ELAPOR2: variants seen among roughly 807,000 people sequenced by gnomAD.
The protein encoded by ELAPOR2 is endosome-lysosome associated apoptosis and autophagy regulator family member 2.
ELAPOR2 carries 89 observed loss-of-function variants against 120.7 expected under a neutral mutation model. The ratio of observed to expected loss-of-function variants is 0.74; its 90% CI spans 0.62 to 0.88. The LOEUF is 0.88. Among genes scored for constraint, ELAPOR2 ranks in the 40% least tolerant of loss-of-function variants. The pLI is 0.00. For missense variants in ELAPOR2, 1,134 were observed against 1,251.6 expected, an observed-to-expected ratio of 0.91 and a Z score of 1.42; for synonymous variants, 444 against 444.9, an observed-to-expected ratio of 1.00 and a Z score of 0.03.
At chr7:86,882,962 T>A (rs902740030) in intron 21 of ELAPOR2, among the ~76,000 whole-genome samples, 13 of 151,766 alleles carry the variant, frequency 8.6e-5, no homozygotes, top group Non-Finnish European at 2.9e-5. Flanking sequence ...CACTCCCTTC[T>A]CCCCAATGCT....
Position 86,921,760 on chromosome 7 carries a change from T to C in ELAPOR2, c.1400-2450A>G, listed in dbSNP as rs1789841179. Among the ~76,000 whole-genome samples the C allele has an allele frequency of 3.9e-5, 6 of 152,030 alleles. No individual in the cohort carries two copies. In the South Asian group the frequency reaches 1.2e-3, roughly 32 times the overall value. ...CAGACTGCCAACGTGAGAGCAGAGC[T>C]GTATGTGGAAAGACACACGCAGGGT... On this transcript the variant is annotated intron_variant, in intron 10 of 21. Coordinates refer to ENST00000450689, the MANE Select transcript of ELAPOR2 (RefSeq NM_001142749.3).
At chr7:87,044,575 T>C (rs1584038467) in intron 1 of ELAPOR2, among the ~76,000 whole-genome samples, 2 of 150,282 alleles carry the variant, frequency 1.3e-5, no homozygotes, top group East Asian at 3.9e-4. Flanking sequence ...TGAAACTGGA[T>C]CCCTTCCTTA....
intron 8 of ELAPOR2, among the ~76,000 whole-genome samples, chr7:86,927,570 C>T (rs1790132302): frequency 6.6e-6 from 1 of 151,848 alleles, no homozygotes; most frequent in Admixed American, 6.6e-5. Flanking sequence ...GTCTTTTAAA[C>T]TCTGCCCTTT....
chr7:86,940,588 T>C (rs1423917682), intron 5 of ELAPOR2, among the ~76,000 whole-genome samples: 2 of 152,052 alleles, frequency 1.3e-5, no homozygotes, highest in Non-Finnish European at 2.9e-5. Context: ...AAAATAGGAA[T>C]GTTCTTAGGG....
At chr7:87,002,722 C>T (rs953076909) in intron 1 of ELAPOR2, among the ~76,000 whole-genome samples, 3 of 152,108 alleles carry the variant, frequency 2.0e-5, no homozygotes, top group Admixed American at 2.0e-4. Flanking sequence ...ATCCTTAACA[C>T]TGAGTACTTC....
At chr7:87,005,854 G>A (rs774023024) in intron 1 of ELAPOR2, among the ~76,000 whole-genome samples, 10 of 152,114 alleles carry the variant, frequency 6.6e-5, no homozygotes, top group Non-Finnish European at 1.5e-4. Flanking sequence ...ATGATCAAGA[G>A]TAGGAAAGAT....
At chr7:86,918,743 G>C (rs1022141741) in intron 11 of ELAPOR2, among the ~76,000 whole-genome samples, 199 bp from the exon 12 acceptor site, 1 of 152,020 alleles carries the variant, frequency 6.6e-6, no homozygotes, top group Non-Finnish European at 1.5e-5. Context: ...CATAACGATG[G>C]TAATATGCTT....
chr7:87,009,563 G>A (rs1793589504), intron 1 of ELAPOR2, among the ~76,000 whole-genome samples: 1 of 152,058 alleles, frequency 6.6e-6, no homozygotes, highest in African/African-American at 2.4e-5. Flanking sequence ...CAGTGTTTTG[G>A]GATTAGGAAA....
At chr7:86,956,819 A>G (rs1791490530) in intron 2 of ELAPOR2, among the ~76,000 whole-genome samples, 1 of 152,152 alleles carries the variant, frequency 6.6e-6, no homozygotes, top group Non-Finnish European at 1.5e-5. Flanking sequence ...AGGGAAGAAA[A>G]ATGTTCAGAG....
intron 4 of ELAPOR2, among the ~76,000 whole-genome samples, chr7:86,942,529 A>C (rs1407596261): frequency 1.3e-5 from 2 of 152,082 alleles, no homozygotes; most frequent in African/African-American, 4.8e-5. Context: ...GCAGCAGTAA[A>C]ATTTTAAATT....
intron 1 of ELAPOR2, among the ~76,000 whole-genome samples, chr7:87,040,205 C>T (rs1219764662): frequency 2.0e-5 from 3 of 152,258 alleles, no homozygotes; most frequent in African/African-American, 7.2e-5. Context: ...GAGGCGCCCG[C>T]CATTGCCCAG....
In ELAPOR2 at chr7:86,955,958, CA is replaced by C. The variant is rs111479978; in HGVS notation, c.311-8037del. Among the ~76,000 whole-genome samples, 927 of 110,800 alleles carry C rather than the reference CA, an allele frequency of 8.4e-3. 7 individuals are homozygous for C. Among genetic ancestry groups the C allele is most frequent in the African/African-American group, 0.025 (776 of 30,872 alleles). 72.7% of individuals were successfully genotyped at this position (110,800 alleles called of 152,430 possible). A position where few individuals can be genotyped will look rare whatever the true frequency, so the allele number is the denominator to read the frequency against. ...CATTAGAAAAGAACTCTGCAAAAAACAAAAAAAAAAGGAAAAGAAAAGAAAA... is the reference window on the plus strand; with the variant it reads ...CATTAGAAAAGAACTCTGCAAAAAACAAAAAAAAAGGAAAAGAAAAGAAAA... On this transcript the variant is annotated intron_variant, in intron 2 of 21. Coordinates refer to ENST00000450689, the MANE Select transcript of ELAPOR2 (RefSeq NM_001142749.3).
At chr7:86,918,980 A>AC (rs1044991018) in intron 11 of ELAPOR2, among the ~76,000 whole-genome samples, 1 of 152,188 alleles carries the variant, frequency 6.6e-6, no homozygotes, top group African/African-American at 2.4e-5. Context: ...TAGCATTTGG[A>AC]CACACTATTG....
At chr7:87,020,719 G>A (rs903703948) in intron 1 of ELAPOR2, among the ~76,000 whole-genome samples, 1 of 152,014 alleles carries the variant, frequency 6.6e-6, no homozygotes, top group Non-Finnish European at 1.5e-5. Flanking sequence ...ATGCCACTGA[G>A]TTTTCACTTT....
intron 1 of ELAPOR2, among the ~76,000 whole-genome samples, chr7:86,973,938 T>G (rs1340636043): frequency 6.6e-6 from 1 of 152,080 alleles, no homozygotes. Context: ...GCAAGAAAGA[T>G]AGCTACCACT....
In ELAPOR2 at chr7:86,879,549, G is replaced by A. The variant is rs1290034341; in HGVS notation, c.*922C>T. On this transcript the variant is annotated 3_prime_UTR_variant, in exon 22 of 22. Coordinates refer to ENST00000450689, the MANE Select transcript of ELAPOR2 (RefSeq NM_001142749.3). ...ACAAAAGTCCCACTGACATTTTCTG[G>A]AGACCATGAAATTACCCCAGTATTT... 6.6e-6 allele frequency: 1 copy of A among 152,030 alleles called. No individual in the cohort carries two copies. Among genetic ancestry groups the A allele is most frequent in the Non-Finnish European group, 1.5e-5 (1 of 68,004 alleles). 9.4% of individuals were successfully genotyped at this position (152,030 alleles called of 1,614,324 possible).
At chr7:86,948,324 T>A (rs1488633617) in intron 2 of ELAPOR2, among the ~76,000 whole-genome samples, 1 of 152,226 alleles carries the variant, frequency 6.6e-6, no homozygotes, top group Non-Finnish European at 1.5e-5. Flanking sequence ...CCTCCCTTTA[T>A]GGTCCTACAG....
chr7:86,975,727 C>T (rs79901637), intron 1 of ELAPOR2, among the ~76,000 whole-genome samples: 37 of 152,280 alleles, frequency 2.4e-4, no homozygotes, highest in Non-Finnish European at 3.8e-4. Flanking sequence ...GGAGAAAGTC[C>T]GCTACAGTTT....
intron 1 of ELAPOR2, among the ~76,000 whole-genome samples, chr7:87,045,922 GTTA>G (rs1313446900): frequency 1.4e-4 from 21 of 151,918 alleles, no homozygotes; most frequent in African/African-American, 4.8e-4. Context: ...TGTCACCACT[GTTA>G]TTCACCATAG....
Sources: gnomAD v4.1 joint callset for allele counts (sites outside exome capture counted in the v4.1 genomes callset) on GRCh38, gnomAD v4.1.1 for gene constraint, MANE v1.5 for transcripts, NCBI Gene and HGNC (gene_info 2026-07-23, HGNC 2026-07-21) for gene names.